The following SLIT3 variants were observed in gnomAD, a reference collection of about 807,000 sequenced individuals.
SLIT3 encodes slit homolog 3 protein.
A neutral mutation model predicts 184.0 loss-of-function variants in SLIT3; 68 were observed. That is an observed-to-expected ratio of 0.37 (90% CI 0.30 to 0.45). The LOEUF (loss-of-function observed/expected upper bound fraction) is 0.45, where lower values mean the gene tolerates loss of function less well. Ranked by LOEUF, SLIT3 falls within the 20% of genes least tolerant of loss-of-function variation. The pLI is 1.00. For missense variants in SLIT3, 1,707 were observed against 2,026.0 expected (o/e 0.84, Z 3.02); for synonymous variants, 831 against 828.6 (o/e 1.00, Z -0.05).
At chr5:168,867,414 T>G (rs1438647516) in intron 5 of SLIT3, among the ~76,000 whole-genome samples, 2 of 152,240 alleles carry the variant, frequency 1.3e-5, no homozygotes, top group Non-Finnish European at 2.9e-5. Flanking sequence ...GGAAACAATC[T>G]GTCTAAATAA....
rs572498020 is a variant in SLIT3, at chr5:169,234,570, A to AT, written c.341+10134dup. Among the ~76,000 whole-genome samples the AT allele has an allele frequency of 8.5e-3, 1,286 of 150,552 alleles. 9 individuals are homozygous for AT. The highest frequency in any genetic ancestry group is 0.013 in the Non-Finnish European group (868 of 67,436). Reference sequence around the variant, plus strand: ...AGGCGTGTGCCATCACACCTGGCTAATTTTTTTTTTATTTTTGGTAGAGAC... The same window carrying AT: ...AGGCGTGTGCCATCACACCTGGCTAATTTTTTTTTTTATTTTTGGTAGAGAC... On this transcript the variant is annotated intron_variant, in intron 3 of 35. Transcript: ENST00000519560.
chr5:169,230,069 C>T (rs1025410658), intron 3 of SLIT3, among the ~76,000 whole-genome samples: 1 of 152,160 alleles, frequency 6.6e-6, no homozygotes, highest in Non-Finnish European at 1.5e-5. Flanking sequence ...AATGGTACTT[C>T]TCAGTATACA....
intron 7 of SLIT3, among the ~76,000 whole-genome samples, chr5:168,822,536 C>T (rs980783129): frequency 6.6e-6 from 1 of 152,102 alleles, no homozygotes; most frequent in South Asian, 2.1e-4. Context: ...CTGATAGAGT[C>T]CACTTACAGA....
At chr5:168,985,139 G>A (rs62378593) in intron 4 of SLIT3, among the ~76,000 whole-genome samples, 7,578 of 152,204 alleles carry the variant, frequency 0.05, 214 homozygotes, top group Non-Finnish European at 0.057. Context: ...AGTTCCTTCC[G>A]TGGCCACCCT....
In SLIT3 at chr5:169,015,987, A is replaced by C. The variant is rs78462407; in HGVS notation, c.414-132651T>G. On this transcript the variant is annotated intron_variant, in intron 4 of 35. Coordinates refer to ENST00000519560, the MANE Select transcript of SLIT3 (RefSeq NM_003062.4). ...ACACACACACACACACACACACACA[A>C]CTTTCTGTCTGCCCCCTTGCTCTTC... Among the ~76,000 whole-genome samples the C allele has an allele frequency of 9.8e-4, 66 of 67,186 alleles. 1 individual carries two copies. Among genetic ancestry groups the C allele is most frequent in the East Asian group, 9.7e-3 (8 of 824 alleles). 44.1% of individuals were successfully genotyped at this position (67,186 alleles called of 152,430 possible). A position where few individuals can be genotyped will look rare whatever the true frequency, so the allele number is the denominator to read the frequency against.
chr5:168,788,095 G>A (rs1237543889), intron 11 of SLIT3, among the ~76,000 whole-genome samples: 1 of 152,032 alleles, frequency 6.6e-6, no homozygotes, highest in African/African-American at 2.4e-5. Flanking sequence ...TACGAGACAG[G>A]AAGCACCTCA....
intron 16 of SLIT3, among the ~76,000 whole-genome samples, chr5:168,760,570 G>C (rs573478267): frequency 6.6e-6 from 1 of 152,192 alleles, no homozygotes; most frequent in Non-Finnish European, 1.5e-5. Context: ...CCAGCCCTGG[G>C]GTAGGTGTTG....
At chr5:169,134,748 A>G (rs972020863) in intron 4 of SLIT3, among the ~76,000 whole-genome samples, 1 of 152,204 alleles carries the variant, frequency 6.6e-6, no homozygotes, top group Non-Finnish European at 1.5e-5. Flanking sequence ...TTAAAGTATA[A>G]TACTAATAAT....
Position 169,115,008 on chromosome 5 carries a change from T to C in SLIT3, c.413+78471A>G, listed in dbSNP as rs185779163. ...GCTAATCTGCCTGCATTGGATCCTA[T>C]GGTTTAGAGAATGTACATATTTCCA... On this transcript the variant is annotated intron_variant, in intron 4 of 35. Coordinates refer to ENST00000519560, the MANE Select transcript of SLIT3 (RefSeq NM_003062.4). 3.8e-3 allele frequency among the ~76,000 whole-genome samples: 584 copies of C among 152,304 alleles called. 3 individuals are homozygous for C. Among genetic ancestry groups the C allele is most frequent in the African/African-American group, 0.013 (561 of 41,570 alleles).
intron 4 of SLIT3, among the ~76,000 whole-genome samples, chr5:169,000,200 T>C (rs1755655412): frequency 1.3e-5 from 2 of 152,046 alleles, no homozygotes; most frequent in Admixed American, 1.3e-4. Flanking sequence ...TAAACCATTC[T>C]GGCCAACATG....
intron 9 of SLIT3, among the ~76,000 whole-genome samples, chr5:168,797,862 T>G (rs995947339): frequency 6.6e-6 from 1 of 152,136 alleles, no homozygotes; most frequent in African/African-American, 2.4e-5. Context: ...AACTGATATC[T>G]CTGTTTCTAT....
chr5:169,211,560 C>T (rs1426493967), intron 3 of SLIT3, among the ~76,000 whole-genome samples: 1 of 152,136 alleles, frequency 6.6e-6, no homozygotes, highest in African/African-American at 2.4e-5. Context: ...GCTTTACCTG[C>T]TACTCCTGGA....
chr5:169,193,168 T>C (rs1763613539), intron 4 of SLIT3, among the ~76,000 whole-genome samples: 2 of 152,124 alleles, frequency 1.3e-5, no homozygotes, highest in Non-Finnish European at 2.9e-5. Context: ...CCTCAGGGAA[T>C]TTACCTGAAG....
intron 3 of SLIT3, among the ~76,000 whole-genome samples, chr5:169,208,087 A>T (rs1764137139): frequency 6.6e-6 from 1 of 152,236 alleles, no homozygotes; most frequent in South Asian, 2.1e-4. Context: ...GAAGAAAAAA[A>T]AGAAAAGGAA....
intron 3 of SLIT3, among the ~76,000 whole-genome samples, chr5:169,238,237 C>T (rs1765267139): frequency 1.3e-5 from 2 of 151,862 alleles, no homozygotes; most frequent in African/African-American, 4.8e-5. Flanking sequence ...AGTTCTTCAC[C>T]CCTCCTTTCA....
chr5:169,234,134 T>A (rs1193629717), intron 3 of SLIT3, among the ~76,000 whole-genome samples: 1 of 152,266 alleles, frequency 6.6e-6, no homozygotes, highest in Admixed American at 6.5e-5. Flanking sequence ...AATAAAAGTA[T>A]ATTTGTTGTT....
At chr5:169,111,310 A>AG (rs1310460199) in intron 4 of SLIT3, among the ~76,000 whole-genome samples, 1 of 152,240 alleles carries the variant, frequency 6.6e-6, no homozygotes, top group African/African-American at 2.4e-5. Flanking sequence ...CAGTTGGCTT[A>AG]GGTCAGGTCA....
intron 3 of SLIT3, among the ~76,000 whole-genome samples, chr5:169,200,110 C>T (rs895338847): frequency 3.9e-5 from 6 of 152,210 alleles, no homozygotes; most frequent in South Asian, 2.1e-4. Context: ...ATCAACCTCA[C>T]TGACAAGCAA....
At chr5:169,035,517 C>T (rs544734994) in intron 4 of SLIT3, among the ~76,000 whole-genome samples, 7 of 151,946 alleles carry the variant, frequency 4.6e-5, no homozygotes, top group South Asian at 2.1e-4. Context: ...GGCGTGGTGG[C>T]GGGCACCTGT....
Sources: allele counts gnomAD v4.1 joint callset (sites outside exome capture counted in the v4.1 genomes callset), GRCh38; gene constraint gnomAD v4.1.1; transcripts MANE v1.5; gene names NCBI Gene and HGNC (gene_info 2026-07-23, HGNC 2026-07-21).